TRAK1: variants seen among roughly 807,000 people sequenced by gnomAD.
The protein encoded by TRAK1 is trafficking kinesin protein 1, also known as trafficking kinesin-binding protein 1.
Under a neutral mutation model 92.1 loss-of-function variants are expected in TRAK1, and 33 were observed. That is an observed-to-expected ratio of 0.36 (90% CI 0.27 to 0.48). TRAK1 has a LOEUF of 0.48. Ranked by LOEUF, TRAK1 falls within the 20% of genes least tolerant of loss-of-function variation. The pLI, the probability that TRAK1 is intolerant of heterozygous loss-of-function variation, is 0.99. For synonymous variants in TRAK1, 521 were observed against 517.3 expected (o/e 1.01, Z -0.10); for missense variants, 1,123 against 1,257.9 (o/e 0.89, Z 1.62).
chr3:42,217,888 A>C, intron 14 of TRAK1: 1 of 984,640 alleles, frequency 1.0e-6, no homozygotes, highest in Non-Finnish European at 1.2e-6. Context: ...TTTCTTACTT[A>C]TTGGAGTTCC....
At chr3:42,152,426 C>T (rs1412210130) in intron 2 of TRAK1, among the ~76,000 whole-genome samples, 3 of 152,170 alleles carry the variant, frequency 2.0e-5, no homozygotes, top group Non-Finnish European at 2.9e-5. Flanking sequence ...ATAGTTACCC[C>T]GATTGGATGC....
chr3:42,071,706 CAAA>C (rs112841005), intron 1 of TRAK1, among the ~76,000 whole-genome samples: 3 of 127,386 alleles, frequency 2.4e-5, no homozygotes, highest in African/African-American at 5.9e-5. Flanking sequence ...AAGTCTGTCT[CAAA>C]AAAAAAAAAA....
At chr3:42,141,729 C>T (rs977340310) in intron 2 of TRAK1, among the ~76,000 whole-genome samples, 7 of 152,182 alleles carry the variant, frequency 4.6e-5, no homozygotes, top group African/African-American at 9.7e-5. Context: ...TCTGTCTTCA[C>T]GTTGCCCTCT....
chr3:42,125,666 T>A, intron 2 of TRAK1, 52 bp downstream of exon 2: 1 of 1,584,614 alleles, frequency 6.3e-7, no homozygotes, highest in Non-Finnish European at 8.6e-7. Context: ...TCAGGTCTTC[T>A]TAGCCATGGC....
chr3:42,110,664 T>G (rs576634836), intron 1 of TRAK1, among the ~76,000 whole-genome samples: 1 of 152,224 alleles, frequency 6.6e-6, no homozygotes, highest in Admixed American at 6.5e-5. Context: ...AACCAAGCTT[T>G]TTGTGGCCCA....
At chr3:42,096,611 T>C (rs958814905) in intron 1 of TRAK1, among the ~76,000 whole-genome samples, 9 of 152,164 alleles carry the variant, frequency 5.9e-5, no homozygotes. Context: ...AAGGAGAAAC[T>C]AAAGAAAAAT....
Position 42,201,194 on chromosome 3 carries a change from C to T in TRAK1, c.1427+140C>T, listed in dbSNP as rs749548416. The stretch of plus-strand genomic sequence containing the variant: ...ACAGACCTGGCCGGGCGTGGTGGCT[C>T]GCGCCTATAATCCTAGCACTTTCGG... On this transcript the variant is annotated intron_variant, in intron 12 of 15. Transcript: ENST00000327628. 136 of 932,088 alleles carry T rather than the reference C, an allele frequency of 1.5e-4. 1 individual carries two copies. Among genetic ancestry groups the T allele is most frequent in the Non-Finnish European group, 2.0e-4 (125 of 610,036 alleles). The allele number at this position is 932,088 out of a possible 1,614,324, so 57.7% of individuals were successfully genotyped here.
chr3:42,158,938 G>A (rs1028094949), intron 2 of TRAK1, among the ~76,000 whole-genome samples: 4 of 147,814 alleles, frequency 2.7e-5, no homozygotes, highest in African/African-American at 5.0e-5. Context: ...CAGCCTGGGC[G>A]ACAAAGCAAG....
At chr3:42,065,105 A>G (rs1452536560) in intron 1 of TRAK1, among the ~76,000 whole-genome samples, 2 of 151,900 alleles carry the variant, frequency 1.3e-5, no homozygotes, top group Non-Finnish European at 2.9e-5. Flanking sequence ...AACAAAAATT[A>G]GCTGGGCATG....
At chr3:42,130,947 A>G (rs566659305) in intron 2 of TRAK1, among the ~76,000 whole-genome samples, 8 of 152,186 alleles carry the variant, frequency 5.3e-5, no homozygotes, top group Non-Finnish European at 1.0e-4. Context: ...AGTTGTGTCC[A>G]TAAAGTAGAA....
chr3:42,137,834 G>T (rs11709411), intron 2 of TRAK1, among the ~76,000 whole-genome samples: 5 of 152,050 alleles, frequency 3.3e-5, no homozygotes, highest in Admixed American at 2.0e-4. Flanking sequence ...CATCATCCAC[G>T]GACTAAATAT....
intron 12 of TRAK1, among the ~76,000 whole-genome samples, chr3:42,201,883 GACACACACACACACACACACACAC>G (rs56336064): frequency 2.4e-5 from 3 of 125,180 alleles, no homozygotes; most frequent in South Asian, 2.9e-4. Context: ...CGGACAGACG[GACACACACACACACACACACACAC>G]ACACACACAC....
rs118095334 is a variant in TRAK1 at position 42,039,308 on chromosome 3, C to T, written c.-519+25191C>T. Reference sequence around the variant, plus strand: ...ATATTAATCTGTCATATGGATATACCACATTTTATTTTCCATTCATCAGTT... The same window carrying T: ...ATATTAATCTGTCATATGGATATACTACATTTTATTTTCCATTCATCAGTT... On this transcript the variant is annotated intron_variant, in intron 1 of 16. Transcript: ENST00000487159. Among the ~76,000 whole-genome samples, 1,039 of 152,098 alleles carry T rather than the reference C, an allele frequency of 6.8e-3. 52 individuals are homozygous for T. The East Asian group carries it at 0.14, about 20-fold the overall frequency.
chr3:42,192,038 A>T (rs1315413211), intron 7 of TRAK1, among the ~76,000 whole-genome samples: 2 of 151,394 alleles, frequency 1.3e-5, no homozygotes, highest in Non-Finnish European at 2.9e-5. Context: ...AGTAGCTAGG[A>T]TTACAGGCAC....
At chr3:42,023,018 C>T (rs185281124) in intron 1 of TRAK1, among the ~76,000 whole-genome samples, 69 of 151,852 alleles carry the variant, frequency 4.5e-4, no homozygotes, top group Non-Finnish European at 7.2e-4. Flanking sequence ...ATTAGCTGGA[C>T]GTGGTGGTGG....
chr3:42,158,718 C>T (rs1267446343), intron 2 of TRAK1, among the ~76,000 whole-genome samples: 1 of 144,742 alleles, frequency 6.9e-6, no homozygotes, highest in South Asian at 2.2e-4. Flanking sequence ...CTGAGGCATG[C>T]GGATCATGAG....
At chr3:42,097,070 C>T (rs1251416718) in intron 1 of TRAK1, among the ~76,000 whole-genome samples, 1 of 152,192 alleles carries the variant, frequency 6.6e-6, no homozygotes, top group African/African-American at 2.4e-5. Context: ...AAGCTTTCTA[C>T]ACACGGGAAC....
chr3:42,083,765 C>T (rs1002022516), upstream of TRAK1, among the ~76,000 whole-genome samples: 3 of 152,142 alleles, frequency 2.0e-5, no homozygotes, highest in African/African-American at 7.2e-5. Flanking sequence ...GTCTCAGCTA[C>T]AGGCTAAGGT....
chr3:42,065,090 A>T (rs1052072975), intron 1 of TRAK1, among the ~76,000 whole-genome samples: 1 of 151,862 alleles, frequency 6.6e-6, no homozygotes, highest in African/African-American at 2.4e-5. Flanking sequence ...ACAAACAAAC[A>T]AACAAACAAA....
Sources: gnomAD v4.1 joint callset for allele counts (sites outside exome capture counted in the v4.1 genomes callset) on GRCh38, gnomAD v4.1.1 for gene constraint, MANE v1.5 for transcripts, NCBI Gene and HGNC (gene_info 2026-07-23, HGNC 2026-07-21) for gene names.